The following NUP85 variants were observed in gnomAD, a reference collection of about 807,000 sequenced individuals.
The protein encoded by NUP85 is nuclear pore complex protein Nup85.
In NUP85, 23 loss-of-function variants were observed where a neutral mutation model predicts 92.8. The ratio of observed to expected loss-of-function variants is 0.25; its 90% CI spans 0.18 to 0.35. NUP85 has a LOEUF of 0.35. NUP85 is among the 10% of genes least tolerant of loss of function. The pLI, the probability that NUP85 is intolerant of heterozygous loss-of-function variation, is 1.00. For synonymous variants in NUP85, 314 were observed against 306.9 expected (o/e 1.02, Z -0.24); for missense variants, 759 against 822.8 (o/e 0.92, Z 0.95).
intron 11 of NUP85, among the ~76,000 whole-genome samples, chr17:75,229,988 T>C (rs992639623): frequency 4.6e-5 from 7 of 151,946 alleles, no homozygotes; most frequent in East Asian, 1.9e-4. Context: ...CCCATTTTTT[T>C]CCCCAGCTTT....
intron 3 of NUP85, 95 bp downstream of exon 3, chr17:75,210,080 G>T: frequency 7.8e-7 from 1 of 1,275,352 alleles, no homozygotes; most frequent in Non-Finnish European, 1.1e-6. Flanking sequence ...TATGGGTTGC[G>T]TAAAGAAATA....
chr17:75,234,052 CTTTTTTTT>C (rs10716628), intron 16 of NUP85, among the ~76,000 whole-genome samples: 2 of 118,072 alleles, frequency 1.7e-5, no homozygotes, highest in Non-Finnish European at 3.5e-5. Flanking sequence ...CATGTTTCTT[CTTTTTTTT>C]TTTTTTTTTG....
At chr17:75,226,832 T>G in intron 11 of NUP85, 1 of 430,156 alleles carries the variant, frequency 2.3e-6, no homozygotes, top group Admixed American at 2.5e-5. Flanking sequence ...TGGCACCTAA[T>G]GGACACCTTA....
chr17:75,214,483 G>A (rs1187114454), intron 5 of NUP85, among the ~76,000 whole-genome samples: 3 of 152,142 alleles, frequency 2.0e-5, no homozygotes, highest in South Asian at 2.1e-4. Flanking sequence ...CTCTGTCTAC[G>A]TGTTTCATGT....
chr17:75,212,268 T>TG, intron 4 of NUP85, among the ~76,000 whole-genome samples: 1 of 48,606 alleles, frequency 2.1e-5, no homozygotes, highest in African/African-American at 7.0e-5. Context: ...TTTTTTTTTT[T>TG]TTTTTTTTTT....
At chr17:75,233,413 CTTTCTTCTTTT>C (rs2076167091) in intron 16 of NUP85, among the ~76,000 whole-genome samples, 1 of 128,732 alleles carries the variant, frequency 7.8e-6, no homozygotes, top group Non-Finnish European at 1.6e-5. Flanking sequence ...CTCTTTCTTT[CTTTCTTCTTTT>C]CTTTTATTTT....
At chr17:75,216,064 T>C (rs1368479186) in intron 6 of NUP85, among the ~76,000 whole-genome samples, 1 of 152,120 alleles carries the variant, frequency 6.6e-6, no homozygotes, top group Admixed American at 6.6e-5. Flanking sequence ...CTGAGAAATA[T>C]TAAACTAGTG....
At chr17:75,232,089 G>GTGGCTC in intron 14 of NUP85, 110 bp downstream of exon 14, 2 of 1,161,916 alleles carry the variant, frequency 1.7e-6, no homozygotes, top group African/African-American at 1.5e-5. Flanking sequence ...GAGCCACACT[G>GTGGCTC]GAGACGTGGG....
At chr17:75,228,722 C>A in intron 11 of NUP85, 4 of 984,994 alleles carry the variant, frequency 4.1e-6, no homozygotes, top group Non-Finnish European at 4.8e-6. Context: ...TCTTTTTTTT[C>A]CTTTCCTGTT....
At chr17:75,217,409 C>A (rs1373047536) in intron 6 of NUP85, among the ~76,000 whole-genome samples, 1 of 150,998 alleles carries the variant, frequency 6.6e-6, no homozygotes, top group Non-Finnish European at 1.5e-5. Flanking sequence ...CCTATGTTGC[C>A]CAGCCTAGTG....
intron 10 of NUP85, 92 bp from the exon 11 acceptor site, chr17:75,225,959 C>A: frequency 2.5e-6 from 4 of 1,594,154 alleles, no homozygotes; most frequent in Non-Finnish European, 3.4e-6. Context: ...AAGAACAAGG[C>A]ACCTTCTCTG....
In NUP85 at chr17:75,216,625, G is replaced by C. The variant is rs1045769508; in HGVS notation, c.475+802G>C. 3.3e-5 allele frequency among the ~76,000 whole-genome samples: 5 copies of C among 152,272 alleles called. No homozygotes were observed. In the South Asian group the frequency reaches 8.3e-4, roughly 25 times the overall value. ...GTGTCATGGCCTGTATGAGCTCTCT[G>C]TGGATCTGCTGCAGCTTTTTTGCAT... On this transcript the variant is annotated intron_variant, in intron 6 of 18. Coordinates refer to ENST00000245544, the MANE Select transcript of NUP85 (RefSeq NM_024844.5).
rs767135021 is a variant in NUP85, at chr17:75,235,650, A to T, written c.1942A>T (p.Ile648Leu). 6.2e-7 allele frequency: 1 copy of T among 1,614,064 alleles called. No homozygotes were observed. The highest frequency in any genetic ancestry group is 8.5e-7 in the Non-Finnish European group (1 of 1,179,880). ...GGCACGAAATCTTGCTCGGGCAATTATAAGAGAAGGCTCACTGGAAGGTTC... is the reference window on the plus strand; with the variant it reads ...GGCACGAAATCTTGCTCGGGCAATTTTAAGAGAAGGCTCACTGGAAGGTTC... ...SLARNLARAI[I>L]REGSLEGS Residue 648 changes from isoleucine to leucine, a missense_variant, in exon 19 of 19, where the codon ATA (isoleucine) becomes TTA (leucine). Ile to Leu is a conservative substitution (Grantham distance 5). Coordinates refer to ENST00000245544, the MANE Select transcript of NUP85 (RefSeq NM_024844.5).
chr17:75,217,337 G>A (rs529340950), intron 6 of NUP85, among the ~76,000 whole-genome samples: 1 of 151,862 alleles, frequency 6.6e-6, no homozygotes, highest in South Asian at 2.1e-4. Flanking sequence ...TGGGATTATA[G>A]GCGTGAGCCA....
intron 11 of NUP85, 102 bp downstream of exon 11, chr17:75,226,259 C>T: frequency 1.2e-6 from 1 of 826,790 alleles, no homozygotes. Context: ...CTTCTTCCCT[C>T]AGACCTGCTA....
Position 75,231,253 on chromosome 17 carries a change from C to A in NUP85, c.1095-87C>A. On this transcript the variant is annotated intron_variant, in intron 11 of 18. Transcript: ENST00000245544. The surrounding 1 kb of genome is among the most constrained non-coding windows in gnomAD (Gnocchi z 4.6). The stretch of plus-strand genomic sequence containing the variant: ...GGCCCCATCTCTTTGAGGGACAGGA[C>A]ATGTGGGGTTTCTTGCTCACCCCCA... 8.2e-7 allele frequency: 1 copy of A among 1,219,046 alleles called. No individual in the cohort carries two copies. The highest frequency in any genetic ancestry group is 1.2e-6 in the Non-Finnish European group (1 of 825,798). 75.5% of individuals were successfully genotyped at this position (1,219,046 alleles called of 1,614,324 possible).
In NUP85 at chr17:75,234,767, G is replaced by A; in HGVS notation, c.1746G>A (p.Leu582=). The stretch of plus-strand genomic sequence containing the variant: ...GGATGACTCTGCTGACAGACGCCTT[G>A]CCCCTTTTGGAACAGAAACAGGTGA... The part of the protein sequence containing the change: ...SFWMTLLTDA[L]PLLEQKQVIF... The change falls in exon 17 of 19, where the codon TTG becomes TTA. Residue 582 remains leucine, a synonymous_variant. Coordinates refer to ENST00000245544, the MANE Select transcript of NUP85 (RefSeq NM_024844.5). The A allele has an allele frequency of 6.2e-7, 1 of 1,614,134 alleles. No individual in the cohort carries two copies. Among genetic ancestry groups the A allele is most frequent in the Non-Finnish European group, 8.5e-7 (1 of 1,180,022 alleles).
chr17:75,212,104 G>GTA (rs1227294607), intron 4 of NUP85, 42 bp downstream of exon 4: 3 of 1,419,110 alleles, frequency 2.1e-6, no homozygotes, highest in Admixed American at 1.9e-5. Flanking sequence ...GTGTGTGTGT[G>GTA]TGTGTGGGTA....
In NUP85 at chr17:75,205,795, G is replaced by A; in HGVS notation, c.33+1G>A. The A allele has an allele frequency of 6.2e-7, 1 of 1,614,182 alleles. No homozygotes were observed. The highest frequency in any genetic ancestry group is 8.5e-7 in the Non-Finnish European group (1 of 1,180,010). Reference sequence around the variant, plus strand: ...GCTCGATGGCGAGCCAACAGTCACTGTAAGGGTACCCCGAACAGGCTTGCT... The same window carrying A: ...GCTCGATGGCGAGCCAACAGTCACTATAAGGGTACCCCGAACAGGCTTGCT... On this transcript the variant is annotated splice_donor_variant, in intron 1 of 18. Coordinates refer to ENST00000245544, the MANE Select transcript of NUP85 (RefSeq NM_024844.5). LOFTEE classifies it high-confidence loss of function.
Sources: gnomAD v4.1 joint callset for allele counts (sites outside exome capture counted in the v4.1 genomes callset) on GRCh38, gnomAD v4.1.1 for gene constraint, Gnocchi (gnomAD v3.1) non-coding constraint, MANE v1.5 for transcripts, NCBI Gene and HGNC (gene_info 2026-07-23, HGNC 2026-07-21) for gene names.